The following TSHB variants were observed in gnomAD, a reference collection of about 807,000 sequenced individuals.
TSHB encodes the protein thyroid stimulating hormone subunit beta.
In TSHB, 9 loss-of-function variants were observed where a neutral mutation model predicts 9.3. That is an observed-to-expected ratio of 0.97 (90% CI 0.58 to 1.69). TSHB has a LOEUF of 1.69. Among genes scored for constraint, TSHB ranks in the 40% most tolerant of loss-of-function variants. TSHB has a pLI of 0.00. For missense variants in TSHB, 182 were observed against 168.5 expected (o/e 1.08, Z -0.44); for synonymous variants, 57 against 57.2 (o/e 1.00, Z 0.01).
At chr1:115,030,048 C>T (rs1461139710) in intron 1 of TSHB, among the ~76,000 whole-genome samples, 188 bp downstream of exon 1, 1 of 151,978 alleles carries the variant, frequency 6.6e-6, no homozygotes. Context: ...GAACTACCTA[C>T]ATAAGGATAA....
chr1:115,029,939 T>G (rs1674858527), intron 1 of TSHB, 79 bp downstream of exon 1: 1 of 152,454 alleles, frequency 6.6e-6, no homozygotes, highest in South Asian at 2.1e-4. Context: ...ATTTTATCAT[T>G]TTTTAGAAAG....
chr1:115,032,536 A>G (rs894289161), intron 1 of TSHB, among the ~76,000 whole-genome samples: 1 of 152,004 alleles, frequency 6.6e-6, no homozygotes, highest in Admixed American at 6.6e-5. Context: ...TTCTTTACTG[A>G]CAATGATACT....
At chr1:115,033,948 G>A (rs1353018572) in intron 2 of TSHB, 25 bp from the exon 3 acceptor site, 28 of 1,611,346 alleles carry the variant, frequency 1.7e-5, no homozygotes, top group Non-Finnish European at 2.1e-5. Flanking sequence ...GTCACATTAT[G>A]CTCTCTTTTC....
intron 1 of TSHB, 83 bp from the exon 2 acceptor site, chr1:115,033,279 T>G: frequency 7.7e-7 from 1 of 1,299,658 alleles, no homozygotes; most frequent in Non-Finnish European, 1.1e-6. Context: ...GGGATGGTAC[T>G]GAAGTTTGGT....
chr1:115,032,851 C>T (rs1435842392), intron 1 of TSHB, among the ~76,000 whole-genome samples: 3 of 151,962 alleles, frequency 2.0e-5, no homozygotes, highest in African/African-American at 7.2e-5. Context: ...ACAAGTTCTT[C>T]ATCACGCAGG....
At chr1:115,032,743 TCAATATCATATTGATATGATATATC>T (rs1246876408) in intron 1 of TSHB, among the ~76,000 whole-genome samples, 2 of 151,992 alleles carry the variant, frequency 1.3e-5, no homozygotes, top group Admixed American at 1.3e-4. Flanking sequence ...CAATATCATA[TCAATATCATATTGATATGATATATC>T]CAATATGATA....
intron 1 of TSHB, 84 bp from the exon 2 acceptor site, chr1:115,033,278 C>A: frequency 7.8e-7 from 1 of 1,285,570 alleles, no homozygotes; most frequent in Non-Finnish European, 1.1e-6. Flanking sequence ...TGGGATGGTA[C>A]TGAAGTTTGG....
At chr1:115,031,991 G>A (rs182352532) in intron 1 of TSHB, among the ~76,000 whole-genome samples, 1 of 152,058 alleles carries the variant, frequency 6.6e-6, no homozygotes, top group Admixed American at 6.6e-5. Flanking sequence ...TTTGATAATT[G>A]TAGGTCTTAA....
In TSHB at chr1:115,033,521, A is replaced by G. The variant is rs759140700; in HGVS notation, c.159A>G (p.Thr53=). The G allele has an allele frequency of 6.2e-7, 1 of 1,612,606 alleles. No homozygotes were observed. Among genetic ancestry groups the G allele is most frequent in the Non-Finnish European group, 8.5e-7 (1 of 1,178,730 alleles). Reference sequence around the variant, plus strand: ...CCATCTGTGCTGGATATTGTATGACACGGGTATGTAGTTCATGTCACTTCT... The same window carrying G: ...CCATCTGTGCTGGATATTGTATGACGCGGGTATGTAGTTCATGTCACTTCT... ...NTTICAGYCM[T]RDINGKLFLP... Residue 53 remains threonine (T), a synonymous_variant, in exon 2 of 3, where the codon ACA becomes ACG. Transcript: ENST00000256592.
Position 115,034,042 on chromosome 1 carries a change from A to G in TSHB, c.232A>G (p.Ile78Val). Residue 78 changes from isoleucine (I) to valine (V), a missense_variant, in exon 3 of 3, where the codon ATC becomes GTC. Ile to Val is a conservative substitution (Grantham distance 29). Coordinates refer to ENST00000256592, the MANE Select transcript of TSHB (RefSeq NM_000549.5). Reference sequence around the variant, plus strand: ...GGATGTTTGCACATATAGAGACTTCATCTACAGGACTGTAGAAATACCAGG... The same window carrying G: ...GGATGTTTGCACATATAGAGACTTCGTCTACAGGACTGTAGAAATACCAGG... ...SQDVCTYRDF[I>V]YRTVEIPGCP... 2 of 1,613,836 alleles carry G rather than the reference A, an allele frequency of 1.2e-6. No individual in the cohort carries two copies. Among genetic ancestry groups the G allele is most frequent in the East Asian group, 4.5e-5 (2 of 44,870 alleles).
chr1:115,033,938 G>A (rs1674953076), intron 2 of TSHB, 35 bp from the exon 3 acceptor site: 6 of 1,610,092 alleles, frequency 3.7e-6, no homozygotes, highest in African/African-American at 1.3e-5. Context: ...CTAAAGTCCT[G>A]TCACATTATG....
At position 115,034,193 on chromosome 1, in the gene TSHB, C is replaced by A; in HGVS notation, c.383C>A (p.Pro128His). Residue 128 changes from proline to histidine, a missense_variant, in exon 3 of 3, where the codon CCT (proline) becomes CAT (histidine). Physicochemically the swap from Pro to His is moderately conservative, Grantham distance 77. Transcript: ENST00000256592. ...ATCAAGACAAACTACTGTACCAAAC[C>A]TCAGAAGTCTTATCTGGTAGGATTT... is the stretch of plus-strand genomic sequence containing the variant. Reference protein sequence around the residue: ...EAIKTNYCTKPQKSYLVGFSV With the variant: ...EAIKTNYCTKHQKSYLVGFSV 6.2e-7 allele frequency: 1 copy of A among 1,613,762 alleles called. No individual in the cohort carries two copies. Among genetic ancestry groups the A allele is most frequent in the Non-Finnish European group, 8.5e-7 (1 of 1,179,756 alleles).
At chr1:115,030,323 T>C (rs970962859) in intron 1 of TSHB, among the ~76,000 whole-genome samples, 48 of 152,186 alleles carry the variant, frequency 3.2e-4, no homozygotes, top group African/African-American at 1.0e-3. Context: ...AGTTATTTAA[T>C]AGCTAAACCT....
rs1430451434 is a variant in TSHB at position 115,033,420 on chromosome 1, T to G, written c.58T>G (p.Ser20Ala). ...TGGCCTTACATGTGGGCAAGCGATGTCTTTTTGTATTCCAACTGAGTATAC... is the reference window on the plus strand; with the variant it reads ...TGGCCTTACATGTGGGCAAGCGATGGCTTTTTGTATTCCAACTGAGTATAC... ...LFGLTCGQAM[S>A]FCIPTEYTMH... is the part of the protein sequence containing the mutation. Residue 20 changes from serine to alanine, a missense_variant, in exon 2 of 3, where the codon TCT becomes GCT. By Grantham distance (99) the Ser-to-Ala change is moderately conservative. Transcript: ENST00000256592. 1.2e-6 allele frequency: 2 copies of G among 1,613,410 alleles called. No individual in the cohort carries two copies. Among genetic ancestry groups the G allele is most frequent in the Non-Finnish European group, 1.7e-6 (2 of 1,179,488 alleles).
chr1:115,034,298 C>G lies in TSHB; in HGVS notation c.*71C>G. 1 of 1,519,490 alleles carries G rather than the reference C, an allele frequency of 6.6e-7. No homozygotes were observed. The highest frequency in any genetic ancestry group is 9.1e-7 in the Non-Finnish European group (1 of 1,096,940). The allele number at this position is 1,519,490 out of a possible 1,614,324, so 94.1% of individuals were successfully genotyped here. A position where few individuals can be genotyped will look rare whatever the true frequency, so the allele number is the denominator to read the frequency against. On this transcript the variant is annotated 3_prime_UTR_variant, in exon 3 of 3. Coordinates refer to ENST00000256592, the MANE Select transcript of TSHB (RefSeq NM_000549.5). ...AAGCTAATAAAAATATTATGTTTCA[C>G]ATTATCTTCTGTTCATTTTGAGTAC...
chr1:115,033,906 G>A, intron 2 of TSHB, 67 bp from the exon 3 acceptor site: 1 of 1,579,680 alleles, frequency 6.3e-7, no homozygotes, highest in Non-Finnish European at 8.6e-7. Flanking sequence ...TTATTTTTAT[G>A]TTTCTATTAT....
chr1:115,033,563 A>G (rs572488806), intron 2 of TSHB, 39 bp downstream of exon 2: 3 of 1,555,492 alleles, frequency 1.9e-6, no homozygotes, highest in Admixed American at 1.7e-5. Context: ...TGTAAATTAT[A>G]TAAGCCCTGA....
chr1:115,030,325 G>T (rs1229181086), intron 1 of TSHB, among the ~76,000 whole-genome samples: 5 of 151,966 alleles, frequency 3.3e-5, no homozygotes, highest in African/African-American at 1.2e-4. Flanking sequence ...TTATTTAATA[G>T]CTAAACCTCC....
In TSHB at chr1:115,034,123, T is replaced by C; in HGVS notation, c.313T>C (p.Cys105Arg). 1 of 1,613,862 alleles carries C rather than the reference T, an allele frequency of 6.2e-7. No homozygotes were observed. The highest frequency in any genetic ancestry group is 8.5e-7 in the Non-Finnish European group (1 of 1,179,832). Residue 105 changes from cysteine (C) to arginine (R), a missense_variant, in exon 3 of 3, where the codon TGT (cysteine) becomes CGT (arginine). Transcript: ENST00000256592. ...CTATCCTGTTGCTTTAAGCTGTAAG[T>C]GTGGCAAGTGCAATACTGACTATAG... is the stretch of plus-strand genomic sequence containing the variant. ...FSYPVALSCK[C>R]GKCNTDYSDC...
Sources: gnomAD v4.1 joint callset for allele counts (sites outside exome capture counted in the v4.1 genomes callset) on GRCh38, gnomAD v4.1.1 for gene constraint, MANE v1.5 for transcripts, NCBI Gene and HGNC (gene_info 2026-07-23, HGNC 2026-07-21) for gene names.